Variants in RELN observed in about 807,000 individuals in gnomAD.
RELN encodes the protein reelin.
RELN carries 108 observed loss-of-function variants against 427.6 expected under a neutral mutation model. That is an observed-to-expected ratio of 0.25 (90% CI 0.22 to 0.30). The LOEUF is 0.30. Ranked by LOEUF, RELN falls within the 10% of genes least tolerant of loss-of-function variation. The probability of loss-of-function intolerance (pLI) is 1.00; values close to 1 mark genes in which losing one functional copy is unlikely to be tolerated. For synonymous variants in RELN, 1,524 were observed against 1,513.4 expected, an observed-to-expected ratio of 1.01 and a Z score of -0.16; for missense variants, 3,715 against 4,302.8, an observed-to-expected ratio of 0.86 and a Z score of 3.82.
chr7:103,890,035 T>C (rs2116587620), intron 2 of RELN, among the ~76,000 whole-genome samples: 1 of 152,220 alleles, frequency 6.6e-6, no homozygotes, highest in South Asian at 2.1e-4. Flanking sequence ...ACCCCTCCTC[T>C]CTCACGTTTG....
At chr7:103,942,007 T>G (rs17157501) in intron 1 of RELN, among the ~76,000 whole-genome samples, 70,060 of 151,264 alleles carry the variant, frequency 0.46, 16,780 homozygotes, top group African/African-American at 0.56. Flanking sequence ...TAGCATAGTT[T>G]TAAGAATTAA....
At chr7:103,860,859 T>G (rs1794056859) in intron 2 of RELN, among the ~76,000 whole-genome samples, 1 of 152,180 alleles carries the variant, frequency 6.6e-6, no homozygotes, top group South Asian at 2.1e-4. Flanking sequence ...TCAACATAAC[T>G]TTGCTATGAA....
Position 103,946,205 on chromosome 7 carries a change from A to G in RELN, c.227-29020T>C, listed in dbSNP as rs375953814. Among the ~76,000 whole-genome samples the G allele has an allele frequency of 4.6e-5, 7 of 152,206 alleles. No homozygotes were observed. In the East Asian group the frequency reaches 5.8e-4, roughly 13 times the overall value. ...GTAGAACACCTAAAAATTGAAATCA[A>G]TGTAAAGTTATCCTAAGGTACTTTT... On this transcript the variant is annotated intron_variant, in intron 1 of 64. Coordinates refer to ENST00000428762, the MANE Select transcript of RELN (RefSeq NM_005045.4).
At chr7:103,479,764 A>G (rs150511586) in intron 63 of RELN, among the ~76,000 whole-genome samples, 1 of 152,276 alleles carries the variant, frequency 6.6e-6, no homozygotes, top group African/African-American at 2.4e-5. Context: ...TAAACCCTGA[A>G]ATATTGTTGA....
intron 28 of RELN, among the ~76,000 whole-genome samples, chr7:103,579,101 C>A (rs939221879): frequency 6.6e-6 from 1 of 152,166 alleles, no homozygotes; most frequent in African/African-American, 2.4e-5. Context: ...TGGTTCCTGC[C>A]TTCATGTAGC....
At chr7:103,772,684 C>T (rs553819381) in intron 4 of RELN, among the ~76,000 whole-genome samples, 2 of 152,136 alleles carry the variant, frequency 1.3e-5, no homozygotes, top group East Asian at 3.9e-4. Flanking sequence ...AAAGGATAGC[C>T]CAGGCAAAGA....
At chr7:103,798,596 C>T (rs1187522032) in intron 3 of RELN, among the ~76,000 whole-genome samples, 2 of 152,266 alleles carry the variant, frequency 1.3e-5, no homozygotes, top group East Asian at 1.9e-4. Flanking sequence ...AGGGGCCAGT[C>T]ATCATTCCTG....
At chr7:103,559,667 T>C (rs1830599861) in intron 36 of RELN, among the ~76,000 whole-genome samples, 1 of 152,158 alleles carries the variant, frequency 6.6e-6, no homozygotes, top group South Asian at 2.1e-4. Context: ...CTCGAACTCC[T>C]GGCCTCAAAT....
chr7:103,509,529 T>C (rs1314978448), intron 51 of RELN, among the ~76,000 whole-genome samples: 1 of 152,126 alleles, frequency 6.6e-6, no homozygotes, highest in African/African-American at 2.4e-5. Context: ...ATTTAAATGT[T>C]AAGACCTAAA....
chr7:103,920,832 C>A (rs1469173799), intron 1 of RELN, among the ~76,000 whole-genome samples: 1 of 152,102 alleles, frequency 6.6e-6, no homozygotes, highest in Non-Finnish European at 1.5e-5. Context: ...CCTCAGCCTC[C>A]CAAAATGCTG....
At chr7:103,724,760 A>G (rs17154820) in intron 7 of RELN, among the ~76,000 whole-genome samples, 23,624 of 151,888 alleles carry the variant, frequency 0.16, 2,088 homozygotes, top group East Asian at 0.3. Flanking sequence ...ACCTTTACCC[A>G]TTTATTTTAT....
At chr7:103,774,025 G>A (rs774077537) in intron 4 of RELN, among the ~76,000 whole-genome samples, 1 of 152,082 alleles carries the variant, frequency 6.6e-6, no homozygotes, top group Non-Finnish European at 1.5e-5. Flanking sequence ...GTAGGGTGCG[G>A]TGGCTCATGC....
intron 60 of RELN, among the ~76,000 whole-genome samples, chr7:103,488,476 C>T (rs1336153515): frequency 6.6e-6 from 1 of 152,084 alleles, no homozygotes; most frequent in Non-Finnish European, 1.5e-5. Context: ...GACAATGACA[C>T]CAGGGGAGAA....
intron 3 of RELN, among the ~76,000 whole-genome samples, chr7:103,799,473 C>T (rs532686282): frequency 1.3e-5 from 2 of 152,270 alleles, no homozygotes; most frequent in South Asian, 4.1e-4. Flanking sequence ...CAGCCCAGTT[C>T]ATGCTTTCAG....
chr7:103,796,875 C>CAAAAAAAAAAAAAA (rs1310087423), intron 3 of RELN, among the ~76,000 whole-genome samples: 3 of 67,218 alleles, frequency 4.5e-5, no homozygotes, highest in Non-Finnish European at 8.3e-5. Context: ...CTCCATCTCA[C>CAAAAAAAAAAAAAA]AAAAAAAAAA....
chr7:103,539,434 T>G (rs1746022704), intron 44 of RELN, 107 bp from the exon 45 acceptor site: 1 of 1,194,992 alleles, frequency 8.4e-7, no homozygotes, highest in Non-Finnish European at 1.2e-6. Context: ...GTTGGCCTGC[T>G]CAGAACTGGC....
At chr7:103,831,953 T>C (rs1250449875) in intron 3 of RELN, among the ~76,000 whole-genome samples, 1 of 152,118 alleles carries the variant, frequency 6.6e-6, no homozygotes, top group Non-Finnish European at 1.5e-5. Context: ...GCAATCATCT[T>C]AGCAAAACAT....
chr7:103,594,176 G>T, intron 26 of RELN, 145 bp downstream of exon 26: 1 of 866,548 alleles, frequency 1.2e-6, no homozygotes, highest in Non-Finnish European at 1.9e-6. Flanking sequence ...TGGTAGCATA[G>T]AGAGGTAACA....
chr7:103,476,334 G>A (rs147698342), intron 64 of RELN, among the ~76,000 whole-genome samples: 3,693 of 152,074 alleles, frequency 0.024, 59 homozygotes, highest in Non-Finnish European at 0.037. Context: ...GTTGTGGCAC[G>A]CCAGGCATGG....
Sources: gnomAD v4.1 joint callset for allele counts (sites outside exome capture counted in the v4.1 genomes callset) on GRCh38, gnomAD v4.1.1 for gene constraint, MANE v1.5 for transcripts, NCBI Gene and HGNC (gene_info 2026-07-23, HGNC 2026-07-21) for gene names.